Variants in RASSF2 observed in about 807,000 individuals in gnomAD.
The protein encoded by RASSF2 is Ras association domain family member 2.
RASSF2 carries 34 observed loss-of-function variants against 46.3 expected under a neutral mutation model. The observed-to-expected ratio is 0.73, with a 90% confidence interval of 0.56 to 0.98. RASSF2 has a LOEUF of 0.98. RASSF2 is among the 50% of genes least tolerant of loss of function. RASSF2 has a pLI of 0.00. For missense variants in RASSF2, 364 were observed against 431.2 expected (o/e 0.84, Z 1.38); for synonymous variants, 158 against 162.5 (o/e 0.97, Z 0.21).
Position 4,812,731 on chromosome 20 carries a change from T to C in RASSF2, c.-33+9598A>G, listed in dbSNP as rs74422877. Among the ~76,000 whole-genome samples the C allele has an allele frequency of 0.02, 3,067 of 152,234 alleles. 92 individuals carry two copies. The highest frequency in any genetic ancestry group is 0.07 in the African/African-American group (2,888 of 41,510). On this transcript the variant is annotated intron_variant, in intron 2 of 11. Transcript: ENST00000379400. The surrounding 1 kb of genome is among the most constrained non-coding windows in gnomAD (Gnocchi z 4.0). ...CTTTATCTTAGTCCCTCCAAGAACC[T>C]CAGGGGGAAGACTTCACTTTACAAA...
chr20:4,819,717 T>G (rs973679722), intron 2 of RASSF2, among the ~76,000 whole-genome samples: 1 of 152,190 alleles, frequency 6.6e-6, no homozygotes, highest in Non-Finnish European at 1.5e-5. Context: ...TTAATCACAC[T>G]TCACTGAATG....
chr20:4,798,207 C>A, intron 3 of RASSF2, 122 bp from the exon 4 acceptor site: 1 of 1,433,718 alleles, frequency 7.0e-7, no homozygotes, highest in Non-Finnish European at 9.3e-7. Context: ...TAACTGTCCA[C>A]ATGTACATAC....
intron 2 of RASSF2, among the ~76,000 whole-genome samples, chr20:4,814,732 G>A (rs182254024): frequency 2.4e-4 from 36 of 152,288 alleles, no homozygotes; most frequent in Non-Finnish European, 2.2e-4. Context: ...CCAACAACGT[G>A]TGCGGGGAAA....
intron 2 of RASSF2, among the ~76,000 whole-genome samples, chr20:4,818,814 C>T (rs1928505871): frequency 6.6e-6 from 1 of 152,200 alleles, no homozygotes; most frequent in Non-Finnish European, 1.5e-5. Flanking sequence ...TCCATCATAG[C>T]CTGCTTCTAG....
rs1601076217 is a variant in RASSF2, at chr20:4,784,168, A to G, written c.*105T>C. On this transcript the variant is annotated 3_prime_UTR_variant, in exon 12 of 12. Coordinates refer to ENST00000379400, the MANE Select transcript of RASSF2 (RefSeq NM_014737.3). ...AATGATGGCTTGGCCGGAGCTGGGG[A>G]GGTTTGTGTCTAAATGTTTCCATGG... 4 of 1,152,892 alleles carry G rather than the reference A, an allele frequency of 3.5e-6. No individual in the cohort carries two copies. The highest frequency in any genetic ancestry group is 1.3e-6 in the Non-Finnish European group (1 of 770,496). The allele number at this position is 1,152,892 out of a possible 1,614,324, so 71.4% of individuals were successfully genotyped here.
chr20:4,804,983 G>A (rs756104861), intron 2 of RASSF2, among the ~76,000 whole-genome samples: 1 of 152,054 alleles, frequency 6.6e-6, no homozygotes. Context: ...GATGAGGGGC[G>A]AGTAGGTCCA....
In RASSF2 at chr20:4,786,284, GAAGCTTTT is replaced by G. The variant is rs1925332252; in HGVS notation, c.850_857del (p.Lys284HisfsTer64). 1.2e-6 allele frequency: 2 copies of G among 1,613,566 alleles called. No individual in the cohort carries two copies. Among genetic ancestry groups the G allele is most frequent in the African/African-American group, 2.7e-5 (2 of 74,930 alleles). The stretch of plus-strand genomic sequence containing the variant: ...CTTCTTCCTCCTGGAGCTTCTGAAT[GAAGCTTTT>G]AAGTACCGGCATCTCGAACTTTATA... On this transcript the variant is annotated frameshift_variant, in exon 11 of 12. Coordinates refer to ENST00000379400, the MANE Select transcript of RASSF2 (RefSeq NM_014737.3). LOFTEE classifies it high-confidence loss of function.
Position 4,786,286 on chromosome 20 carries a change from A to G in RASSF2, c.856T>C (p.Phe286Leu). ...IKFEMPVLKS[F>L]IQKLQEEEDR... ...TCTTCCTCCTGGAGCTTCTGAATGA[A>G]GCTTTTAAGTACCGGCATCTCGAAC... The change falls in exon 11 of 12, where the codon TTC becomes CTC. Residue 286 changes from phenylalanine (F) to leucine (L), a missense_variant. Phe to Leu is a conservative substitution (Grantham distance 22). Coordinates refer to ENST00000379400, the MANE Select transcript of RASSF2 (RefSeq NM_014737.3). 1 of 1,613,630 alleles carries G rather than the reference A, an allele frequency of 6.2e-7. No individual in the cohort carries two copies. The highest frequency in any genetic ancestry group is 8.5e-7 in the Non-Finnish European group (1 of 1,179,528).
intron 2 of RASSF2, among the ~76,000 whole-genome samples, chr20:4,801,484 C>T (rs1007080342): frequency 7.9e-5 from 12 of 152,030 alleles, no homozygotes; most frequent in African/African-American, 2.7e-4. Context: ...CAAATACAGC[C>T]GAGTGCGAGA....
At chr20:4,784,439 G>C (rs1238542528) in intron 11 of RASSF2, 97 bp from the exon 12 acceptor site, 3 of 1,152,602 alleles carry the variant, frequency 2.6e-6, no homozygotes, top group South Asian at 2.5e-5. Context: ...GTCACACCAG[G>C]TAACAGTGCA....
At chr20:4,799,849 C>T (rs192559362) in intron 3 of RASSF2, among the ~76,000 whole-genome samples, 103 of 152,146 alleles carry the variant, frequency 6.8e-4, no homozygotes, top group African/African-American at 2.4e-3. Context: ...TGGTGGCTCA[C>T]GCCTGTAATC....
Position 4,785,632 on chromosome 20 carries a change from T to C in RASSF2, c.911+599A>G, listed in dbSNP as rs1465932469. On this transcript the variant is annotated intron_variant, in intron 11 of 11. Coordinates refer to ENST00000379400, the MANE Select transcript of RASSF2 (RefSeq NM_014737.3). ...GGGAGGAAGGGGGAGAGGAGAGGAT[T>C]TTGGAGGCCAGTAGCTCAGGCTACA... Among the ~76,000 whole-genome samples the C allele has an allele frequency of 9.9e-5, 15 of 152,116 alleles. No homozygotes were observed. In the South Asian group the frequency reaches 2.5e-3, roughly 25 times the overall value.
intron 2 of RASSF2, among the ~76,000 whole-genome samples, chr20:4,813,964 C>T (rs1318081133): frequency 6.6e-6 from 1 of 152,140 alleles, no homozygotes; most frequent in Non-Finnish European, 1.5e-5. Flanking sequence ...CCAGTTCAAC[C>T]AAGTGAGACA....
chr20:4,794,292 A>C (rs1926149304), intron 5 of RASSF2, among the ~76,000 whole-genome samples: 1 of 152,122 alleles, frequency 6.6e-6, no homozygotes, highest in Admixed American at 6.6e-5. Flanking sequence ...AGGTAGGGCC[A>C]GTATGGTGGC....
intron 2 of RASSF2, among the ~76,000 whole-genome samples, chr20:4,801,987 G>A (rs1005861247): frequency 3.2e-4 from 48 of 152,146 alleles, no homozygotes; most frequent in African/African-American, 9.9e-4. Context: ...TGATCCGCCC[G>A]CCTCAGCCTC....
intron 9 of RASSF2, 54 bp from the exon 10 acceptor site, chr20:4,787,808 A>G (rs990590446): frequency 2.1e-5 from 33 of 1,587,216 alleles, no homozygotes; most frequent in Non-Finnish European, 2.6e-5. Context: ...CACATTAAGT[A>G]GTGGTTAATG....
chr20:4,809,763 GA>G (rs1927623152), intron 2 of RASSF2, among the ~76,000 whole-genome samples: 1 of 152,186 alleles, frequency 6.6e-6, no homozygotes, highest in African/African-American at 2.4e-5. Context: ...GGGGAGGCAG[GA>G]CGGGGGCAGT....
chr20:4,799,398 G>A (rs1410543925), intron 3 of RASSF2, among the ~76,000 whole-genome samples: 1 of 152,198 alleles, frequency 6.6e-6, no homozygotes, highest in African/African-American at 2.4e-5. Flanking sequence ...GATGAGAGGG[G>A]CGAGAGGTGG....
At position 4,790,038 on chromosome 20, in the gene RASSF2, C is replaced by A. The variant is rs972844334; in HGVS notation, c.538-341G>T. ...GGGTGGGGTGGGTGGTGCACTGACA[C>A]CCCAGGTCTGAGACCTGCAGCTCTG... On this transcript the variant is annotated intron_variant, in intron 7 of 11. Transcript: ENST00000379400. This position sits in a 1 kb window ranked among gnomAD's most constrained non-coding sequence, Gnocchi z 4.3. 4.6e-5 allele frequency among the ~76,000 whole-genome samples: 7 copies of A among 152,132 alleles called. No individual in the cohort carries two copies. The highest frequency in any genetic ancestry group is 1.7e-4 in the African/African-American group (7 of 41,424).
Sources: allele counts gnomAD v4.1 joint callset (sites outside exome capture counted in the v4.1 genomes callset), GRCh38; gene constraint gnomAD v4.1.1; non-coding constraint Gnocchi (gnomAD v3.1); transcripts MANE v1.5; gene names NCBI Gene and HGNC (gene_info 2026-07-23, HGNC 2026-07-21).